Variants in TTC29 observed in about 807,000 individuals in gnomAD.
The protein encoded by TTC29 is tetratricopeptide repeat domain 29.
A neutral mutation model predicts 58.1 loss-of-function variants in TTC29; 49 were observed. The ratio of observed to expected loss-of-function variants is 0.84; its 90% CI spans 0.67 to 1.07. The LOEUF (loss-of-function observed/expected upper bound fraction) is 1.07, where lower values mean the gene tolerates loss of function less well. Ranked by LOEUF, TTC29 falls within the 50% of genes least tolerant of loss-of-function variation. The pLI, the probability that TTC29 is intolerant of heterozygous loss-of-function variation, is 0.00. For synonymous variants in TTC29, 209 were observed against 196.8 expected (o/e 1.06, Z -0.52); for missense variants, 582 against 555.6 (o/e 1.05, Z -0.48).
At chr4:146,885,910 T>C (rs954653998) in intron 6 of TTC29, among the ~76,000 whole-genome samples, 2 of 152,106 alleles carry the variant, frequency 1.3e-5, no homozygotes, top group Non-Finnish European at 2.9e-5. Flanking sequence ...ATCATTCAAT[T>C]TGATTTTTAG....
intron 11 of TTC29, among the ~76,000 whole-genome samples, chr4:146,797,591 A>C (rs913887901): frequency 6.6e-6 from 1 of 151,168 alleles, no homozygotes; most frequent in South Asian, 2.1e-4. Context: ...ATTTTTTACA[A>C]AGATCTTTCT....
chr4:146,941,481 T>C (rs1736383302), intron 2 of TTC29, among the ~76,000 whole-genome samples: 1 of 152,006 alleles, frequency 6.6e-6, no homozygotes, highest in Admixed American at 6.6e-5. Context: ...TGGGGGTAAA[T>C]AGGGAGAAAG....
At chr4:146,914,670 G>A (rs1011396316) in intron 4 of TTC29, among the ~76,000 whole-genome samples, 3 of 152,132 alleles carry the variant, frequency 2.0e-5, no homozygotes, top group African/African-American at 2.4e-5. Context: ...GGGCTGCAAC[G>A]AGATAAGGGA....
At chr4:146,939,646 A>G (rs1194191986) in intron 3 of TTC29, among the ~76,000 whole-genome samples, 158 bp downstream of exon 3, 1 of 152,252 alleles carries the variant, frequency 6.6e-6, no homozygotes, top group Non-Finnish European at 1.5e-5. Context: ...AATGTGGTTC[A>G]TAAATCCTTT....
At chr4:146,926,728 G>C (rs1469613806) in intron 4 of TTC29, among the ~76,000 whole-genome samples, 1 of 152,076 alleles carries the variant, frequency 6.6e-6, no homozygotes, top group Non-Finnish European at 1.5e-5. Context: ...CTCCCAAAGT[G>C]CTGGGATTAC....
At chr4:146,808,338 G>T (rs1046644466) in intron 10 of TTC29, among the ~76,000 whole-genome samples, 1 of 152,184 alleles carries the variant, frequency 6.6e-6, no homozygotes, top group Non-Finnish European at 1.5e-5. Flanking sequence ...ACAAGAGAAG[G>T]ATGTCCTCTC....
intron 4 of TTC29, among the ~76,000 whole-genome samples, chr4:146,931,895 T>C (rs963816938): frequency 1.3e-5 from 2 of 152,176 alleles, no homozygotes; most frequent in Admixed American, 1.3e-4. Flanking sequence ...TTCTGTCTTG[T>C]TTTGTTTTTA....
chr4:146,904,685 T>G (rs1365846344), intron 5 of TTC29, among the ~76,000 whole-genome samples: 2 of 152,182 alleles, frequency 1.3e-5, no homozygotes, highest in African/African-American at 2.4e-5. Context: ...CTTCCAATAA[T>G]TTTTTAGTAA....
intron 6 of TTC29, among the ~76,000 whole-genome samples, chr4:146,883,368 T>C (rs1731763202): frequency 6.6e-6 from 1 of 151,484 alleles, no homozygotes; most frequent in African/African-American, 2.4e-5. Flanking sequence ...ATCCAATAAC[T>C]TTTCACGTGG....
intron 11 of TTC29, among the ~76,000 whole-genome samples, chr4:146,795,449 G>A (rs1749770467): frequency 6.6e-6 from 1 of 152,084 alleles, no homozygotes; most frequent in African/African-American, 2.4e-5. Flanking sequence ...TGTATCCAGG[G>A]ATAAGGCATT....
chr4:146,937,708 C>G, intron 3 of TTC29, 31 bp from the exon 4 acceptor site: 1 of 1,298,300 alleles, frequency 7.7e-7, no homozygotes, highest in Non-Finnish European at 1.1e-6. Flanking sequence ...TAATAAAGCA[C>G]AGCCTTATCA....
intron 11 of TTC29, among the ~76,000 whole-genome samples, chr4:146,707,897 C>T (rs1480536554): frequency 6.6e-6 from 1 of 152,138 alleles, no homozygotes; most frequent in Non-Finnish European, 1.5e-5. Context: ...TATGCAGCCT[C>T]TACCTGGTTA....
intron 8 of TTC29, among the ~76,000 whole-genome samples, chr4:146,846,146 T>C (rs564502407): frequency 2.0e-5 from 3 of 152,252 alleles, no homozygotes; most frequent in South Asian, 2.1e-4. Flanking sequence ...TTTATACCTA[T>C]GGTAAATGAA....
intron 8 of TTC29, among the ~76,000 whole-genome samples, chr4:146,855,620 T>C (rs1340326139): frequency 6.6e-6 from 1 of 152,206 alleles, no homozygotes; most frequent in Non-Finnish European, 1.5e-5. Context: ...GTATTAATGC[T>C]ATTTTTAAAT....
chr4:146,788,797 C>T (rs1025161229), intron 11 of TTC29, among the ~76,000 whole-genome samples: 2 of 151,628 alleles, frequency 1.3e-5, no homozygotes, highest in African/African-American at 2.4e-5. Context: ...TTTCAACCAT[C>T]GAAGGTAGGT....
At chr4:146,728,865 A>T (rs187074649) in intron 11 of TTC29, among the ~76,000 whole-genome samples, 591 of 47,890 alleles carry the variant, frequency 0.012, 84 homozygotes, top group African/African-American at 0.027. Context: ...ATACACATAT[A>T]TATGTGTGTG....
rs537379532 is a variant in TTC29 at position 146,723,325 on chromosome 4, C to T, written c.1331-15774G>A. Among the ~76,000 whole-genome samples, 17 of 152,016 alleles carry T rather than the reference C, an allele frequency of 1.1e-4. No individual in the cohort carries two copies. The South Asian group carries it at 1.2e-3, about 11-fold the overall frequency. On this transcript the variant is annotated intron_variant, in intron 11 of 12. Coordinates refer to ENST00000325106, the MANE Select transcript of TTC29 (RefSeq NM_031956.4). ...CAGGAAACACCATTCTGGACATGGG[C>T]CTTGGGAAATAATTTATGACTCAGT...
chr4:146,788,706 G>A (rs935268745), intron 11 of TTC29, among the ~76,000 whole-genome samples: 5 of 151,792 alleles, frequency 3.3e-5, no homozygotes, highest in Admixed American at 2.0e-4. Context: ...GAAAATCAAT[G>A]ACATACAAAG....
intron 5 of TTC29, among the ~76,000 whole-genome samples, chr4:146,905,989 T>C (rs907728393): frequency 6.6e-6 from 1 of 152,050 alleles, no homozygotes; most frequent in Non-Finnish European, 1.5e-5. Context: ...TAGAAAAAAA[T>C]TGCTGCTCAA....
Sources: gnomAD v4.1 joint callset for allele counts (sites outside exome capture counted in the v4.1 genomes callset) on GRCh38, gnomAD v4.1.1 for gene constraint, MANE v1.5 for transcripts, NCBI Gene and HGNC (gene_info 2026-07-23, HGNC 2026-07-21) for gene names.